The following FRMPD4 variants were observed in gnomAD, a reference collection of about 807,000 sequenced individuals.
FRMPD4 encodes FERM and PDZ domain containing 4.
In FRMPD4, 22 loss-of-function variants were observed where a neutral mutation model predicts 94.1. The ratio of observed to expected loss-of-function variants is 0.23; its 90% CI spans 0.17 to 0.33. FRMPD4 has a LOEUF of 0.33. Among genes scored for constraint, FRMPD4 ranks in the 10% least tolerant of loss-of-function variants. The probability of loss-of-function intolerance (pLI) is 1.00; values close to 1 mark genes in which losing one functional copy is unlikely to be tolerated. For synonymous variants in FRMPD4, 631 were observed against 548.6 expected, an observed-to-expected ratio of 1.15 and a Z score of -2.10; for missense variants, 1,111 against 1,339.9, an observed-to-expected ratio of 0.83 and a Z score of 2.67.
At chrX:12,707,885 G>T (rs1212921822) in intron 13 of FRMPD4, among the ~76,000 whole-genome samples, 1 of 112,102 alleles carries the variant, frequency 8.9e-6, no homozygotes, top group Non-Finnish European at 1.9e-5. Context: ...ATTCATACGT[G>T]AGAAAGCAAG....
At chrX:12,310,420 G>A (rs940128829) in intron 1 of FRMPD4, among the ~76,000 whole-genome samples, 6 of 85,246 alleles carry the variant, frequency 7.0e-5, no homozygotes, top group African/African-American at 1.0e-4. Context: ...CCATCTGGGC[G>A]TATACGTGCA....
chrX:12,683,426 T>C (rs1019177370), intron 5 of FRMPD4, 57 bp from the exon 6 acceptor site: 6 of 621,746 alleles, frequency 9.7e-6, no homozygotes, highest in Non-Finnish European at 1.6e-5. Context: ...AAAACAACTG[T>C]TACAAGGTTT....
At chrX:12,190,681 G>A (rs1388129982) in intron 1 of FRMPD4, among the ~76,000 whole-genome samples, 2 of 95,024 alleles carry the variant, frequency 2.1e-5, no homozygotes, top group African/African-American at 3.8e-5. Flanking sequence ...AACAACTAAC[G>A]GGACATCCAC....
rs764137215 is a variant in FRMPD4, at chrX:12,574,674, T to C, written c.159-35047T>C. Among the ~76,000 whole-genome samples the C allele has an allele frequency of 2.6e-3, 292 of 110,671 alleles. 2 individuals carry two copies. Among genetic ancestry groups the C allele is most frequent in the African/African-American group, 9.3e-3 (282 of 30,355 alleles). Reference sequence around the variant, plus strand: ...CACCACGCCTGAATAATTTTTGTAGTTTTTGTAGAGACAGAGTTTCGCCAT... The same window carrying C: ...CACCACGCCTGAATAATTTTTGTAGCTTTTGTAGAGACAGAGTTTCGCCAT... On this transcript the variant is annotated intron_variant, in intron 2 of 16. Coordinates refer to ENST00000675598, the MANE Select transcript of FRMPD4 (RefSeq NM_001368397.1).
At chrX:12,332,190 T>TTATA (rs1173963808) in intron 1 of FRMPD4, among the ~76,000 whole-genome samples, 800 of 63,451 alleles carry the variant, frequency 0.013, 42 homozygotes, top group Non-Finnish European at 0.014. Context: ...AATTTATATT[T>TTATA]TATATATATA....
intron 1 of FRMPD4, among the ~76,000 whole-genome samples, chrX:12,474,878 G>A (rs2057572170): frequency 9.0e-6 from 1 of 111,409 alleles, no homozygotes; most frequent in Non-Finnish European, 1.9e-5. Flanking sequence ...AATTCTACCA[G>A]AGGTACAAGG....
At chrX:12,305,725 G>GTT (rs58794898) in intron 1 of FRMPD4, among the ~76,000 whole-genome samples, 12 of 59,687 alleles carry the variant, frequency 2.0e-4, no homozygotes, top group Admixed American at 5.7e-4. Flanking sequence ...AGCTGGCTAA[G>GTT]TTTTTTTTTT....
chrX:11,864,252 G>A (rs767177517), intron 1 of FRMPD4, among the ~76,000 whole-genome samples: 2 of 109,563 alleles, frequency 1.8e-5, no homozygotes, highest in African/African-American at 6.6e-5. Flanking sequence ...TGCTCGGAAA[G>A]TTAACAAGAG....
At chrX:12,269,032 T>C (rs920906425) in intron 1 of FRMPD4, among the ~76,000 whole-genome samples, 9 of 112,386 alleles carry the variant, frequency 8.0e-5, no homozygotes, top group African/African-American at 2.9e-4. Flanking sequence ...CATTTATTTC[T>C]AGAAAATGGA....
chrX:11,978,894 C>T (rs1317612756), intron 3 of FRMPD4, among the ~76,000 whole-genome samples: 1 of 111,820 alleles, frequency 8.9e-6, no homozygotes, highest in Non-Finnish European at 1.9e-5. Context: ...CAACAACTCA[C>T]ACTAGGATAG....
intron 2 of FRMPD4, among the ~76,000 whole-genome samples, chrX:12,515,965 CT>C (rs1358621644): frequency 2.7e-5 from 3 of 111,230 alleles, no homozygotes; most frequent in East Asian, 2.8e-4. Flanking sequence ...CCTCCTTTGT[CT>C]TTTTTTTATC....
chrX:12,313,696 T>C (rs367544122), intron 1 of FRMPD4, among the ~76,000 whole-genome samples: 2 of 111,821 alleles, frequency 1.8e-5, no homozygotes, highest in Admixed American at 9.4e-5. Context: ...CTTTGTGAGG[T>C]TTTTTCCCCA....
chrX:11,982,003 A>C (rs1343624138), intron 3 of FRMPD4, among the ~76,000 whole-genome samples: 3 of 111,769 alleles, frequency 2.7e-5, no homozygotes, highest in African/African-American at 9.7e-5. Flanking sequence ...TTATGTGCTC[A>C]ATGGTCTATT....
intron 1 of FRMPD4, among the ~76,000 whole-genome samples, chrX:12,390,744 C>T (rs932409054): frequency 8.9e-6 from 1 of 111,823 alleles, no homozygotes; most frequent in Non-Finnish European, 1.9e-5. Context: ...TGAGTCACTC[C>T]ATCGATATGG....
intron 3 of FRMPD4, among the ~76,000 whole-genome samples, chrX:11,954,430 A>C (rs1244257161): frequency 8.9e-6 from 1 of 112,223 alleles, no homozygotes; most frequent in Non-Finnish European, 1.9e-5. Context: ...TGAATTACAC[A>C]GTAATGAGAG....
chrX:12,631,326 G>A (rs763427821), intron 4 of FRMPD4, among the ~76,000 whole-genome samples: 1 of 111,828 alleles, frequency 8.9e-6, no homozygotes, highest in South Asian at 3.8e-4. Context: ...GCCATAAAAG[G>A]GAATTTAATA....
At chrX:12,504,645 T>C (rs980689102) in intron 2 of FRMPD4, among the ~76,000 whole-genome samples, 1 of 112,534 alleles carries the variant, frequency 8.9e-6, no homozygotes, top group African/African-American at 3.2e-5. Flanking sequence ...GAGTTAATAA[T>C]CACTGCTCCC....
intron 1 of FRMPD4, among the ~76,000 whole-genome samples, chrX:11,857,625 G>A (rs945999310): frequency 8.9e-6 from 1 of 112,613 alleles, no homozygotes; most frequent in African/African-American, 3.2e-5. Context: ...CTATTGCCTG[G>A]AAGGCAATAC....
chrX:12,253,004 C>A (rs1290165741), intron 1 of FRMPD4, among the ~76,000 whole-genome samples: 1 of 111,886 alleles, frequency 8.9e-6, no homozygotes, highest in Non-Finnish European at 1.9e-5. Flanking sequence ...ATGAGAACAT[C>A]CAGAGGACAG....
Sources: gnomAD v4.1 joint callset for allele counts (sites outside exome capture counted in the v4.1 genomes callset) on GRCh38, gnomAD v4.1.1 for gene constraint, MANE v1.5 for transcripts, NCBI Gene and HGNC (gene_info 2026-07-23, HGNC 2026-07-21) for gene names.